TTC3: variants seen among roughly 807,000 people sequenced by gnomAD.
The protein encoded by TTC3 is E3 ubiquitin-protein ligase TTC3.
Under a neutral mutation model 249.6 loss-of-function variants are expected in TTC3, and 180 were observed. The observed-to-expected ratio is 0.72, with a 90% CI of 0.64 to 0.82. The LOEUF is 0.82. TTC3 is among the 40% of genes least tolerant of loss of function. The probability of loss-of-function intolerance (pLI) is 0.00; values close to 1 mark genes in which losing one functional copy is unlikely to be tolerated. For missense variants in TTC3, 2,061 were observed against 2,398.4 expected, an observed-to-expected ratio of 0.86 and a Z score of 2.94; for synonymous variants, 717 against 805.0, an observed-to-expected ratio of 0.89 and a Z score of 1.85.
intron 16 of TTC3, among the ~76,000 whole-genome samples, chr21:37,131,381 A>G (rs911322653): frequency 6.6e-6 from 1 of 152,294 alleles, no homozygotes; most frequent in South Asian, 2.1e-4. Flanking sequence ...AAACCTTAGT[A>G]AAGTCCTTAA....
At chr21:37,096,453 A>G (rs2073951971) in intron 9 of TTC3, 128 bp from the exon 10 acceptor site, 1 of 625,312 alleles carries the variant, frequency 1.6e-6, no homozygotes, top group Non-Finnish European at 2.8e-6. Context: ...CAGGTCCTAT[A>G]TTCTTTTTGC....
At chr21:37,201,025 G>A (rs961634304) in intron 45 of TTC3, among the ~76,000 whole-genome samples, 2 of 152,376 alleles carry the variant, frequency 1.3e-5, no homozygotes, top group East Asian at 1.9e-4. Context: ...AGCAGCAGGA[G>A]TGTGGCGTGC....
intron 44 of TTC3, among the ~76,000 whole-genome samples, chr21:37,199,518 T>C (rs1011132229): frequency 6.6e-6 from 1 of 152,190 alleles, no homozygotes; most frequent in African/African-American, 2.4e-5. Flanking sequence ...AGCCCTCCAT[T>C]CATCTCTGCG....
intron 41 of TTC3, among the ~76,000 whole-genome samples, chr21:37,193,329 G>T (rs560330182): frequency 1.3e-5 from 2 of 150,432 alleles, no homozygotes; most frequent in Admixed American, 1.3e-4. Flanking sequence ...CCAGTACCTT[G>T]CACAGTAAAC....
In TTC3 at chr21:37,156,711, G is replaced by A. The variant is rs780465481; in HGVS notation, c.2797G>A (p.Asp933Asn). The A allele has an allele frequency of 2.0e-5, 33 of 1,613,902 alleles. No homozygotes were observed. The highest frequency in any genetic ancestry group is 2.8e-5 in the Non-Finnish European group (33 of 1,179,978). ...TTATGGAGCATCTCTTAAACTGCTT[G>A]ATTTTAGTATCATGACTTTCCTCTG... The change falls in exon 28 of 46, where the codon GAT becomes AAT. Residue 933 changes from aspartate to asparagine, a missense_variant. By Grantham distance (23) the Asp-to-Asn change is conservative. This residue lies in a region of TTC3 where 989 missense variants were observed against 1,145.1 expected (regional missense o/e 0.86). Coordinates refer to ENST00000355666, the Ensembl canonical transcript of TTC3.
intron 14 of TTC3, among the ~76,000 whole-genome samples, chr21:37,125,523 G>C (rs2076979623): frequency 6.6e-6 from 1 of 152,172 alleles, no homozygotes; most frequent in African/African-American, 2.4e-5. Flanking sequence ...CCATCTGATT[G>C]TAAACTGAGA....
chr21:37,137,969 C>T (rs376926524), intron 18 of TTC3, among the ~76,000 whole-genome samples: 1 of 152,068 alleles, frequency 6.6e-6, no homozygotes, highest in Admixed American at 6.6e-5. Flanking sequence ...CACTGTGGCA[C>T]GTGTTATACC....
intron 35 of TTC3, among the ~76,000 whole-genome samples, chr21:37,177,395 G>C (rs368114523): frequency 1.3e-5 from 2 of 152,146 alleles, no homozygotes; most frequent in Non-Finnish European, 2.9e-5. Flanking sequence ...GGAACTGCAA[G>C]GTCACATGAT....
chr21:37,086,770 A>G (rs1039882776), intron 1 of TTC3: 6 of 159,324 alleles, frequency 3.8e-5, no homozygotes, highest in African/African-American at 1.4e-4. Flanking sequence ...CAGTGGAGTC[A>G]GGATTTAGGT....
intron 23 of TTC3, 38 bp downstream of exon 23, chr21:37,148,685 C>T (rs774509762): frequency 1.4e-6 from 2 of 1,383,174 alleles, no homozygotes; most frequent in Non-Finnish European, 2.0e-6. Flanking sequence ...TTTCAGTATA[C>T]TTATTGTATG....
At chr21:37,164,339 GA>G (rs2081054132) in intron 32 of TTC3, 124 bp downstream of exon 32, 1 of 945,896 alleles carries the variant, frequency 1.1e-6, no homozygotes, top group East Asian at 3.0e-5. Flanking sequence ...GTTAATTTAG[GA>G]TTTTTTTTTT....
chr21:37,109,073 G>T (rs140822537), intron 11 of TTC3, among the ~76,000 whole-genome samples: 1 of 152,136 alleles, frequency 6.6e-6, no homozygotes, highest in African/African-American at 2.4e-5. Context: ...AAACTATTTC[G>T]GTAGGGGTGG....
chr21:37,183,348 C>T (rs926987547), intron 36 of TTC3, among the ~76,000 whole-genome samples: 4 of 152,102 alleles, frequency 2.6e-5, no homozygotes, highest in African/African-American at 4.8e-5. Flanking sequence ...GTAGTGTGAA[C>T]GATTTGATAA....
rs571102868 is a variant in TTC3, at chr21:37,148,051, G to A, written c.2016+448G>A. On this transcript the variant is annotated intron_variant, in intron 22 of 45. Transcript: ENST00000355666. The stretch of plus-strand genomic sequence containing the variant: ...TCCTGGACTTTTTTAGGTCTACATC[G>A]TCTCACATGGGAACCAGAGCCACTG... Among the ~76,000 whole-genome samples the A allele has an allele frequency of 1.7e-3, 259 of 152,196 alleles. 2 individuals carry two copies. The highest frequency in any genetic ancestry group is 5.0e-3 in the African/African-American group (206 of 41,544).
chr21:37,156,942 A>T, intron 28 of TTC3, 36 bp downstream of exon 28: 1 of 1,589,238 alleles, frequency 6.3e-7, no homozygotes, highest in South Asian at 1.1e-5. Flanking sequence ...ATTACATTTA[A>T]TCTTAAGGGG....
chr21:37,147,729 G>A, intron 22 of TTC3, 126 bp downstream of exon 22: 1 of 1,170,066 alleles, frequency 8.5e-7, no homozygotes. Context: ...CCCTTTCCCA[G>A]GATTTTTTTT....
At chr21:37,161,234 C>G (rs764963297) in intron 30 of TTC3, among the ~76,000 whole-genome samples, 1 of 152,156 alleles carries the variant, frequency 6.6e-6, no homozygotes, top group Non-Finnish European at 1.5e-5. Context: ...CTTCCTTCCT[C>G]TCACCAAAGG....
chr21:37,200,319 A>G (rs780384744), exon 45 of TTC3: 2 of 1,614,160 alleles, frequency 1.2e-6, no homozygotes, highest in East Asian at 4.5e-5. Context: ...CAAGTATCAC[A>G]AAGGGGTAAG....
chr21:37,095,896 C>T (rs1020990488), intron 9 of TTC3, among the ~76,000 whole-genome samples: 1 of 152,200 alleles, frequency 6.6e-6, no homozygotes, highest in Non-Finnish European at 1.5e-5. Context: ...TCTCTTTGCT[C>T]AGCTGCTAGA....
Sources: gnomAD v4.1 joint callset for allele counts (sites outside exome capture counted in the v4.1 genomes callset) on GRCh38, gnomAD v4.1.1 for gene constraint, gnomAD v4.1.1 regional missense constraint, MANE v1.5 for transcripts, NCBI Gene and HGNC (gene_info 2026-07-23, HGNC 2026-07-21) for gene names.